The following INCENP variants were observed in gnomAD, a reference collection of about 807,000 sequenced individuals.
INCENP encodes inner centromere protein.
Under a neutral mutation model 107.3 loss-of-function variants are expected in INCENP, and 43 were observed. The ratio of observed to expected loss-of-function variants is 0.40; its 90% CI spans 0.31 to 0.52. The LOEUF (loss-of-function observed/expected upper bound fraction) is 0.52. Among genes scored for constraint, INCENP ranks in the 20% least tolerant of loss-of-function variants. INCENP has a pLI of 0.53. For synonymous variants in INCENP, 488 were observed against 494.4 expected (o/e 0.99, Z 0.17); for missense variants, 1,089 against 1,250.9 (o/e 0.87, Z 1.95).
intron 4 of INCENP, among the ~76,000 whole-genome samples, chr11:62,131,346 G>A (rs1346205814): frequency 6.6e-6 from 1 of 152,210 alleles, no homozygotes; most frequent in Non-Finnish European, 1.5e-5. Context: ...CCCACACAGG[G>A]AGTTTAGAAG....
rs1319056423 is a variant in INCENP, at chr11:62,152,473, G to C, written c.*497G>C. On this transcript the variant is annotated 3_prime_UTR_variant, in exon 19 of 19. Coordinates refer to ENST00000394818, the MANE Select transcript of INCENP (RefSeq NM_001040694.2). ...TCACCAGGTGCAGGCCCCCACCCTC[G>C]GAGATGCTGCTGCAGTGAGTGGTTC... 1 of 160,432 alleles carries C rather than the reference G, an allele frequency of 6.2e-6. No individual in the cohort carries two copies. Among genetic ancestry groups the C allele is most frequent in the Non-Finnish European group, 1.4e-5 (1 of 73,844 alleles). 9.9% of individuals were successfully genotyped at this position (160,432 alleles called of 1,614,324 possible).
chr11:62,127,696 T>C (rs1316888496), intron 1 of INCENP, among the ~76,000 whole-genome samples: 2 of 152,198 alleles, frequency 1.3e-5, no homozygotes, highest in Non-Finnish European at 2.9e-5. Context: ...GTCTTAGCCC[T>C]CACTTAACCA....
intron 18 of INCENP, among the ~76,000 whole-genome samples, chr11:62,151,166 G>C (rs2134688769): frequency 1.3e-5 from 2 of 152,324 alleles, no homozygotes; most frequent in Admixed American, 1.3e-4. Flanking sequence ...GTTCTGTTGA[G>C]AGTGACATGA....
At chr11:62,139,116 G>C (rs999699363) in intron 7 of INCENP, 111 bp downstream of exon 7, 1 of 751,334 alleles carries the variant, frequency 1.3e-6, no homozygotes, top group Non-Finnish European at 2.3e-6. Flanking sequence ...TGGGCCAGTA[G>C]GCTAAAGAGA....
chr11:62,137,978 T>A, intron 5 of INCENP, 95 bp downstream of exon 5: 1 of 1,134,374 alleles, frequency 8.8e-7, no homozygotes, highest in Non-Finnish European at 1.3e-6. Flanking sequence ...CTGGGCTGAG[T>A]CTTCCCCACT....
chr11:62,147,317 A>G (rs890993041), intron 15 of INCENP, among the ~76,000 whole-genome samples: 6 of 152,186 alleles, frequency 3.9e-5, no homozygotes, highest in Admixed American at 6.5e-5. Flanking sequence ...ACGATAACTC[A>G]GATTACCCCC....
chr11:62,138,631 C>A, intron 5 of INCENP, 82 bp from the exon 6 acceptor site: 1 of 1,371,264 alleles, frequency 7.3e-7, no homozygotes, highest in Non-Finnish European at 1.0e-6. Context: ...GGGTCCCCAT[C>A]CCTGGAATGG....
chr11:62,141,394 G>A lies in INCENP; in HGVS notation c.1594-106G>A, dbSNP rs755705959. 45 of 1,441,786 alleles carry A rather than the reference G, an allele frequency of 3.1e-5. 1 individual carries two copies. The South Asian group carries it at 3.3e-4, about 11-fold the overall frequency. The allele number at this position is 1,441,786 out of a possible 1,614,324, so 89.3% of individuals were successfully genotyped here. A position where few individuals can be genotyped will look rare whatever the true frequency, so the allele number is the denominator to read the frequency against. On this transcript the variant is annotated intron_variant, in intron 10 of 18. Coordinates refer to ENST00000394818, the MANE Select transcript of INCENP (RefSeq NM_001040694.2). Reference sequence around the variant, plus strand: ...CGGTGGGGGTGCTGCTGGCAGGAGGGCAGGCCCCACGCAGGCTTGCTGGCA... The same window carrying A: ...CGGTGGGGGTGCTGCTGGCAGGAGGACAGGCCCCACGCAGGCTTGCTGGCA...
chr11:62,147,061 AT>A (rs1213574918), intron 15 of INCENP, among the ~76,000 whole-genome samples, 159 bp downstream of exon 15: 1 of 152,150 alleles, frequency 6.6e-6, no homozygotes, highest in African/African-American at 2.4e-5. Context: ...CCCATTGGCT[AT>A]GGGAGATCCA....
intron 3 of INCENP, among the ~76,000 whole-genome samples, chr11:62,129,295 A>G (rs975909053): frequency 2.0e-5 from 3 of 152,174 alleles, no homozygotes; most frequent in African/African-American, 4.8e-5. Context: ...GCAGAGTGCT[A>G]GGGAAAGAGG....
At chr11:62,139,924 T>C (rs1326256606) in intron 7 of INCENP, among the ~76,000 whole-genome samples, 1 of 151,822 alleles carries the variant, frequency 6.6e-6, no homozygotes, top group Admixed American at 6.6e-5. Context: ...GAGCTGGGGG[T>C]AGCCAGGCCC....
rs900889856 is a variant in INCENP at position 62,150,219 on chromosome 11, C to T, written c.2542+12C>T. 1 of 1,613,496 alleles carries T rather than the reference C, an allele frequency of 6.2e-7. No individual in the cohort carries two copies. The highest frequency in any genetic ancestry group is 8.5e-7 in the Non-Finnish European group (1 of 1,179,920). The stretch of plus-strand genomic sequence containing the variant: ...CACCTGGGCCCGAGGTAAGCAAAGC[C>T]CACAGCTCCCTGGGAGACTCAGGCC... On this transcript the variant is annotated intron_variant, in intron 18 of 18. Coordinates refer to ENST00000394818, the MANE Select transcript of INCENP (RefSeq NM_001040694.2).
rs113959967 is a variant in INCENP, at chr11:62,146,777, G to C, written c.2079G>C (p.Arg693=). The C allele has an allele frequency of 3.3e-5, 50 of 1,537,650 alleles. No individual in the cohort carries two copies. Among genetic ancestry groups the C allele is most frequent in the African/African-American group, 1.7e-4 (12 of 72,244 alleles). ...RLAEQREQER[R]EQERREQERR... ...CAGAGCAGCGGGAGCAGGAGCGGCGGGAGCAGGAGCGGCGCGAGCAGGAGC... is the reference window on the plus strand; with the variant it reads ...CAGAGCAGCGGGAGCAGGAGCGGCGCGAGCAGGAGCGGCGCGAGCAGGAGC... Residue 693 remains arginine, a synonymous_variant, in exon 15 of 19, where the codon CGG becomes CGC. Coordinates refer to ENST00000394818, the MANE Select transcript of INCENP (RefSeq NM_001040694.2).
At position 62,140,812 on chromosome 11, in the gene INCENP, A is replaced by G. The variant is rs375510044; in HGVS notation, c.1452A>G (p.Pro484=). 4.0e-5 allele frequency: 64 copies of G among 1,613,366 alleles called. No homozygotes were observed. The East Asian group carries it at 1.2e-3, about 31-fold the overall frequency. ...GCAAGACCCCTTCCTCACCCTGCCC[A>G]GCCAGCAAGGTGAGCCAGGCACCTG... The part of the protein sequence containing the change: ...PRSKTPSSPC[P]ASKVVRPLRT... Residue 484 remains proline (P), a synonymous_variant, in exon 9 of 19, where the codon CCA becomes CCG. Transcript: ENST00000394818.
chr11:62,126,429 C>T (rs1339603415), intron 1 of INCENP, among the ~76,000 whole-genome samples: 2 of 152,162 alleles, frequency 1.3e-5, no homozygotes, highest in Admixed American at 6.5e-5. Flanking sequence ...AACTCCTGAC[C>T]TCGTGATCTG....
At position 62,146,773 on chromosome 11, in the gene INCENP, G is replaced by A. The variant is rs570082372; in HGVS notation, c.2075G>A (p.Arg692Gln). The A allele has an allele frequency of 2.5e-5, 39 of 1,536,216 alleles. No homozygotes were observed. The highest frequency in any genetic ancestry group is 7.3e-5 in the South Asian group (6 of 82,110). Residue 692 changes from arginine (R) to glutamine (Q), a missense_variant, in exon 15 of 19, where the codon CGG becomes CAG. Arg to Gln is a conservative substitution (Grantham distance 43). Transcript: ENST00000394818. Reference sequence around the variant, plus strand: ...CTGGCAGAGCAGCGGGAGCAGGAGCGGCGGGAGCAGGAGCGGCGCGAGCAG... The same window carrying A: ...CTGGCAGAGCAGCGGGAGCAGGAGCAGCGGGAGCAGGAGCGGCGCGAGCAG... Reference protein sequence around the residue: ...KRLAEQREQERREQERREQER... With the variant: ...KRLAEQREQEQREQERREQER...
In INCENP at chr11:62,150,121, C is replaced by G. The variant is rs1944342427; in HGVS notation, c.2456C>G (p.Pro819Arg). The change falls in exon 18 of 19, where the codon CCA becomes CGA. Residue 819 changes from proline to arginine, a missense_variant. By Grantham distance (103) the Pro-to-Arg change is moderately radical (BLOSUM62 -2). Transcript: ENST00000394818. ...CACAGGGCCCCTCCCAAGATCAACC[C>G]AGATAACTACGGGATGGATCTGAAT... ...QGHRAPPKIN[P>R]DNYGMDLNSD... 1.2e-6 allele frequency: 2 copies of G among 1,614,044 alleles called. No homozygotes were observed. Among genetic ancestry groups the G allele is most frequent in the East Asian group, 4.5e-5 (2 of 44,858 alleles).
In INCENP at chr11:62,145,696, TG is replaced by T; in HGVS notation, c.1906del (p.Glu636LysfsTer155). 1 of 1,563,980 alleles carries T rather than the reference TG, an allele frequency of 6.4e-7. No homozygotes were observed. The highest frequency in any genetic ancestry group is 8.7e-7 in the Non-Finnish European group (1 of 1,154,566). On this transcript the variant is annotated frameshift_variant, in exon 14 of 19. Transcript: ENST00000394818. LOFTEE classifies it high-confidence loss of function. ...GCGGCGGCCAAGAAGATGGAGGAGG[TG>T]GAAGCACGCAGGAAGCAGGAAGAGG... ...KKAAAKKMEE[V>X]EARRKQEEEA...
chr11:62,152,462 C>G lies in INCENP; in HGVS notation c.*486C>G, dbSNP rs1449525158. The stretch of plus-strand genomic sequence containing the variant: ...GTGCCTCAGGATCACCAGGTGCAGG[C>G]CCCCACCCTCGGAGATGCTGCTGCA... On this transcript the variant is annotated 3_prime_UTR_variant, in exon 19 of 19. Coordinates refer to ENST00000394818, the MANE Select transcript of INCENP (RefSeq NM_001040694.2). 1 of 162,026 alleles carries G rather than the reference C, an allele frequency of 6.2e-6. No homozygotes were observed. Among genetic ancestry groups the G allele is most frequent in the Admixed American group, 6.1e-5 (1 of 16,276 alleles). The allele number at this position is 162,026 out of a possible 1,614,324, so 10.0% of individuals were successfully genotyped here.
Sources: gnomAD v4.1 joint callset for allele counts (sites outside exome capture counted in the v4.1 genomes callset) on GRCh38, gnomAD v4.1.1 for gene constraint, MANE v1.5 for transcripts, NCBI Gene and HGNC (gene_info 2026-07-23, HGNC 2026-07-21) for gene names.